The following GLO1 variants were observed in gnomAD, a reference collection of about 807,000 sequenced individuals.
The protein encoded by GLO1 is glyoxalase I.
Under a neutral mutation model 26.0 loss-of-function variants are expected in GLO1, and 28 were observed. The observed-to-expected ratio is 1.08, with a 90% CI of 0.80 to 1.48. The LOEUF is 1.48. GLO1 is among the 40% of genes most tolerant of loss of function. GLO1 has a pLI of 0.00. For synonymous variants in GLO1, 78 were observed against 77.6 expected, an observed-to-expected ratio of 1.00 and a Z score of -0.03; for missense variants, 225 against 224.8, an observed-to-expected ratio of 1.00 and a Z score of -0.01.
Position 38,676,174 on chromosome 6 carries a change from T to C in GLO1, c.*1121A>G, listed in dbSNP as rs1761234185. On this transcript the variant is annotated 3_prime_UTR_variant, in exon 6 of 6. Coordinates refer to ENST00000373365, the MANE Select transcript of GLO1 (RefSeq NM_006708.3). ...GCCATTAGAGATTTTCAAAATCACT[T>C]TGATTTTTAAAAACTCATCAAATGT... 6.6e-6 allele frequency: 1 copy of C among 152,190 alleles called. No individual in the cohort carries two copies. The highest frequency in any genetic ancestry group is 2.4e-5 in the African/African-American group (1 of 41,446). The allele number at this position is 152,190 out of a possible 1,614,324, so 9.4% of individuals were successfully genotyped here. A position where few individuals can be genotyped will look rare whatever the true frequency, so the allele number is the denominator to read the frequency against.
intron 5 of GLO1, among the ~76,000 whole-genome samples, chr6:38,680,781 C>G (rs1761360809): frequency 6.6e-6 from 1 of 152,030 alleles, no homozygotes; most frequent in South Asian, 2.1e-4. Flanking sequence ...GTCCTAGCTA[C>G]TTAGGAGGAG....
At chr6:38,699,892 G>A (rs547160356) in intron 1 of GLO1, among the ~76,000 whole-genome samples, 4 of 150,352 alleles carry the variant, frequency 2.7e-5, no homozygotes, top group African/African-American at 1.0e-4. Flanking sequence ...GATCTTTGTT[G>A]GACCCTTATC....
intron 1 of GLO1, among the ~76,000 whole-genome samples, chr6:38,702,602 G>T (rs1211888707): frequency 6.6e-6 from 1 of 152,092 alleles, no homozygotes; most frequent in Non-Finnish European, 1.5e-5. Context: ...GGCTGGGCAG[G>T]ACTGGTACAG....
chr6:38,701,853 G>C (rs1470832035), intron 1 of GLO1, among the ~76,000 whole-genome samples: 2 of 151,636 alleles, frequency 1.3e-5, no homozygotes, highest in African/African-American at 4.8e-5. Context: ...AAATGATGTA[G>C]TCAAATAAAT....
intron 1 of GLO1, among the ~76,000 whole-genome samples, chr6:38,692,995 G>T (rs2127547945): frequency 6.6e-6 from 1 of 151,900 alleles, no homozygotes; most frequent in African/African-American, 2.4e-5. Flanking sequence ...TAGTTTTCTT[G>T]TACTGTCTTC....
At chr6:38,702,174 G>A (rs974408614) in intron 1 of GLO1, among the ~76,000 whole-genome samples, 1 of 151,998 alleles carries the variant, frequency 6.6e-6, no homozygotes, top group African/African-American at 2.4e-5. Context: ...TGATCCGCCC[G>A]CCTTGGCCTC....
chr6:38,692,221 C>T (rs772797554), intron 1 of GLO1, among the ~76,000 whole-genome samples: 14 of 152,100 alleles, frequency 9.2e-5, no homozygotes, highest in Non-Finnish European at 1.9e-4. Context: ...CTTTTTGCAT[C>T]GCCATTGCTG....
chr6:38,693,363 T>C (rs1270603937), intron 1 of GLO1, among the ~76,000 whole-genome samples: 1 of 152,162 alleles, frequency 6.6e-6, no homozygotes, highest in African/African-American at 2.4e-5. Context: ...TATTGGTAGT[T>C]TGTGCTTCTT....
At chr6:38,677,761 T>A (rs549040130) in intron 5 of GLO1, among the ~76,000 whole-genome samples, 46 of 152,334 alleles carry the variant, frequency 3.0e-4, no homozygotes, top group African/African-American at 9.6e-4. Context: ...TTTAATGAAG[T>A]ACATTATTTT....
At chr6:38,679,812 T>C (rs560370339) in intron 5 of GLO1, among the ~76,000 whole-genome samples, 120 of 147,016 alleles carry the variant, frequency 8.2e-4, no homozygotes, top group African/African-American at 2.9e-3. Flanking sequence ...AAAAAAGTAA[T>C]AAACAATATG....
chr6:38,692,547 T>C (rs1383094966), intron 1 of GLO1, among the ~76,000 whole-genome samples: 1 of 152,148 alleles, frequency 6.6e-6, no homozygotes, highest in Non-Finnish European at 1.5e-5. Flanking sequence ...CTTGCTTTAC[T>C]GCACTGTCTA....
chr6:38,697,076 C>T (rs1761622431), intron 1 of GLO1, among the ~76,000 whole-genome samples: 1 of 152,190 alleles, frequency 6.6e-6, no homozygotes, highest in East Asian at 1.9e-4. Flanking sequence ...CCATGTCTGG[C>T]TAATTTTTTT....
intron 5 of GLO1, among the ~76,000 whole-genome samples, chr6:38,678,422 A>AAAGAG: frequency 6.6e-6 from 1 of 151,780 alleles, no homozygotes; most frequent in Non-Finnish European, 1.5e-5. Context: ...AAAGAAAAGA[A>AAAGAG]AAGAAAAGAA....
intron 3 of GLO1, among the ~76,000 whole-genome samples, chr6:38,683,835 C>A (rs560221172): frequency 1.4e-4 from 21 of 151,746 alleles, no homozygotes; most frequent in Non-Finnish European, 3.1e-4. Context: ...TGCAGTGAGC[C>A]GAGATCGCGC....
At chr6:38,679,588 G>C (rs576331705) in intron 5 of GLO1, among the ~76,000 whole-genome samples, 2 of 152,196 alleles carry the variant, frequency 1.3e-5, no homozygotes, top group South Asian at 4.2e-4. Flanking sequence ...TTGAGGCCAG[G>C]AGTTTGAGAC....
chr6:38,676,050 G>C lies in GLO1; in HGVS notation c.*1245C>G, dbSNP rs1024319406. 7 of 152,202 alleles carry C rather than the reference G, an allele frequency of 4.6e-5. No homozygotes were observed. The highest frequency in any genetic ancestry group is 1.4e-4 in the African/African-American group (6 of 41,458). 9.4% of individuals were successfully genotyped at this position (152,202 alleles called of 1,614,324 possible). ...AAGGAAACATAAAGTGCTTCTAGCA[G>C]TACAAGCACGGTTGGCATGGCCTTT... On this transcript the variant is annotated 3_prime_UTR_variant, in exon 6 of 6. Coordinates refer to ENST00000373365, the MANE Select transcript of GLO1 (RefSeq NM_006708.3).
rs143118142 is a variant in GLO1 at position 38,689,394 on chromosome 6, T to C, written c.85-2420A>G. On this transcript the variant is annotated intron_variant, in intron 1 of 5. Coordinates refer to ENST00000373365, the MANE Select transcript of GLO1 (RefSeq NM_006708.3). ...ATCTGCTTTGTAGTGACCCTGTTTATGTTTTGTTTCTTCAACATCTTTCTA... is the reference window on the plus strand; with the variant it reads ...ATCTGCTTTGTAGTGACCCTGTTTACGTTTTGTTTCTTCAACATCTTTCTA... 4.5e-3 allele frequency among the ~76,000 whole-genome samples: 689 copies of C among 152,340 alleles called. 9 individuals carry two copies. The highest frequency in any genetic ancestry group is 0.016 in the African/African-American group (665 of 41,580).
chr6:38,679,378 G>A (rs1320767157), intron 5 of GLO1, among the ~76,000 whole-genome samples: 8 of 152,156 alleles, frequency 5.3e-5, no homozygotes, highest in African/African-American at 1.7e-4. Flanking sequence ...GCTCACTGCA[G>A]CCTTGAACTG....
At position 38,676,474 on chromosome 6, in the gene GLO1, C is replaced by G. The variant is rs1169110038; in HGVS notation, c.*821G>C. On this transcript the variant is annotated 3_prime_UTR_variant, in exon 6 of 6. Coordinates refer to ENST00000373365, the MANE Select transcript of GLO1 (RefSeq NM_006708.3). ...ACTGAAGGTTTTTACAACAGGAAAC[C>G]AGTGGAGGTATTGTGAGGTACTACA... The G allele has an allele frequency of 6.6e-6, 1 of 152,148 alleles. No homozygotes were observed. Among genetic ancestry groups the G allele is most frequent in the East Asian group, 1.9e-4 (1 of 5,192 alleles). The allele number at this position is 152,148 out of a possible 1,614,324, so 9.4% of individuals were successfully genotyped here.
Sources: allele counts gnomAD v4.1 joint callset (sites outside exome capture counted in the v4.1 genomes callset), GRCh38; gene constraint gnomAD v4.1.1; transcripts MANE v1.5; gene names NCBI Gene and HGNC (gene_info 2026-07-23, HGNC 2026-07-21).